The following URI1 variants were observed in gnomAD, a reference collection of about 807,000 sequenced individuals.
URI1 encodes the protein unconventional prefoldin RPB5 interactor 1.
A neutral mutation model predicts 60.2 loss-of-function variants in URI1; 39 were observed. The observed-to-expected ratio is 0.65, with a 90% CI of 0.50 to 0.85. URI1 has a LOEUF of 0.85. URI1 is among the 40% of genes least tolerant of loss of function. The pLI is 0.00. For synonymous variants in URI1, 251 were observed against 236.8 expected, an observed-to-expected ratio of 1.06 and a Z score of -0.55; for missense variants, 691 against 665.9, an observed-to-expected ratio of 1.04 and a Z score of -0.42.
chr19:29,933,219 T>C (rs1004324851), intron 1 of URI1, among the ~76,000 whole-genome samples: 2 of 152,234 alleles, frequency 1.3e-5, no homozygotes, highest in Non-Finnish European at 2.9e-5. Context: ...AAATGTTTAG[T>C]AGAATTCATC....
In URI1 at chr19:29,948,308, G is replaced by A. The variant is rs2055127503; in HGVS notation, c.117+5644G>A. Among the ~76,000 whole-genome samples the A allele has an allele frequency of 2.6e-5, 4 of 152,158 alleles. No individual in the cohort carries two copies. The South Asian group carries it at 8.3e-4, about 32-fold the overall frequency. Reference sequence around the variant, plus strand: ...CTGGCCAGTTCAAGTGCTGGTAGTGGGCATCAGGGGTCAACTTTTAAACAT... The same window carrying A: ...CTGGCCAGTTCAAGTGCTGGTAGTGAGCATCAGGGGTCAACTTTTAAACAT... On this transcript the variant is annotated intron_variant, in intron 1 of 10. Transcript: ENST00000392271.
At chr19:29,950,511 A>G (rs899834954) in intron 1 of URI1, among the ~76,000 whole-genome samples, 7 of 152,146 alleles carry the variant, frequency 4.6e-5, no homozygotes, top group African/African-American at 1.7e-4. Flanking sequence ...ACCACTGTTT[A>G]GAGTAATCAG....
chr19:29,998,142 T>C (rs2055835943), intron 4 of URI1, among the ~76,000 whole-genome samples: 1 of 152,196 alleles, frequency 6.6e-6, no homozygotes. Context: ...TTTTCCAATT[T>C]TCCTTCTATT....
intron 1 of URI1, among the ~76,000 whole-genome samples, chr19:29,929,742 A>G (rs1285422412): frequency 1.3e-5 from 2 of 152,144 alleles, no homozygotes; most frequent in East Asian, 1.9e-4. Context: ...GGCCATTTGT[A>G]TATCTTCTTT....
At chr19:29,993,286 TG>T (rs1400585491) in intron 4 of URI1, among the ~76,000 whole-genome samples, 3 of 152,112 alleles carry the variant, frequency 2.0e-5, no homozygotes, top group Admixed American at 1.3e-4. Context: ...GGGGAAGCAT[TG>T]GATGAGTGGT....
rs1203667774 is a variant in URI1, at chr19:30,005,458, T to C, written c.459+6T>C. The stretch of plus-strand genomic sequence containing the variant: ...ATTTGCAGAAAATGAGCGATGTGAG[T>C]ATTTGTTTTTAGTCTTCTATATTTT... On this transcript the variant is annotated splice_donor_region_variant and intron_variant, in intron 5 of 10. Coordinates refer to ENST00000392271, the MANE Select transcript of URI1 (RefSeq NM_003796.3). 2 of 1,585,250 alleles carry C rather than the reference T, an allele frequency of 1.3e-6. No homozygotes were observed. The highest frequency in any genetic ancestry group is 2.3e-5 in the East Asian group (1 of 44,418).
At chr19:29,950,734 A>G (rs550916934) in intron 1 of URI1, among the ~76,000 whole-genome samples, 4 of 152,290 alleles carry the variant, frequency 2.6e-5, no homozygotes, top group Admixed American at 2.6e-4. Context: ...ACATTTTCTC[A>G]GTTTTTCTAA....
chr19:29,968,416 T>C (rs2055415459), intron 1 of URI1, among the ~76,000 whole-genome samples: 1 of 152,116 alleles, frequency 6.6e-6, no homozygotes, highest in Admixed American at 6.5e-5. Flanking sequence ...GCCTTATGGT[T>C]ACTTTTAAAA....
At chr19:29,996,617 C>T (rs1244283694) in intron 4 of URI1, among the ~76,000 whole-genome samples, 2 of 152,016 alleles carry the variant, frequency 1.3e-5, no homozygotes, top group Non-Finnish European at 2.9e-5. Flanking sequence ...CTTAATTGCT[C>T]TAGCTAGAAC....
chr19:29,956,901 G>A (rs1046593552), intron 1 of URI1: 2 of 1,233,222 alleles, frequency 1.6e-6, no homozygotes, highest in Non-Finnish European at 2.4e-6. Context: ...GTTCCTCTGG[G>A]GCCCTTTATG....
chr19:29,961,442 C>T (rs2055322288), intron 1 of URI1, among the ~76,000 whole-genome samples: 1 of 152,042 alleles, frequency 6.6e-6, no homozygotes, highest in Non-Finnish European at 1.5e-5. Flanking sequence ...ATTTCACTTA[C>T]CATAATGTCT....
intron 1 of URI1, among the ~76,000 whole-genome samples, chr19:29,947,071 T>C (rs760519726): frequency 6.6e-6 from 1 of 152,160 alleles, no homozygotes; most frequent in Admixed American, 6.5e-5. Flanking sequence ...GAGCAGAAAC[T>C]TGAAATAAGT....
chr19:30,011,328 G>C, intron 9 of URI1, 92 bp downstream of exon 9: 1 of 1,460,340 alleles, frequency 6.8e-7, no homozygotes, highest in Non-Finnish European at 9.1e-7. Context: ...CTGTAACACA[G>C]AAGACCCTCA....
At chr19:29,964,859 T>G (rs1394391783) in intron 1 of URI1, among the ~76,000 whole-genome samples, 2 of 151,888 alleles carry the variant, frequency 1.3e-5, no homozygotes, top group Non-Finnish European at 2.9e-5. Context: ...TTTCCTGTTT[T>G]TTTTTTTTTT....
chr19:29,944,886 C>T (rs1243351389), intron 1 of URI1, among the ~76,000 whole-genome samples: 1 of 152,166 alleles, frequency 6.6e-6, no homozygotes, highest in Non-Finnish European at 1.5e-5. Flanking sequence ...GAAAACTACC[C>T]AGTAAATCGG....
chr19:29,964,452 G>GTTTTTTTTTTTTTTTTTTTTT (rs1380907956), intron 1 of URI1, among the ~76,000 whole-genome samples: 3 of 137,256 alleles, frequency 2.2e-5, no homozygotes, highest in African/African-American at 8.3e-5. Flanking sequence ...TTTTGTTTTT[G>GTTTTTTTTTTTTTTTTTTTTT]TTTTTTGTTT....
At chr19:29,987,044 C>T (rs2055680534) in intron 4 of URI1, among the ~76,000 whole-genome samples, 1 of 152,124 alleles carries the variant, frequency 6.6e-6, no homozygotes. Context: ...CCTACATACA[C>T]ACACACAACA....
intron 4 of URI1, among the ~76,000 whole-genome samples, chr19:29,996,477 T>TGTGTGTG (rs1491249873): frequency 6.2e-5 from 9 of 144,416 alleles, no homozygotes; most frequent in African/African-American, 2.5e-4. Flanking sequence ...TACAAGGGTG[T>TGTGTGTG]TTTGTGTGTG....
upstream of URI1, among the ~76,000 whole-genome samples, chr19:29,940,922 G>A (rs1054081260): frequency 2.0e-5 from 3 of 152,216 alleles, no homozygotes; most frequent in Non-Finnish European, 4.4e-5. Context: ...AGAGAGGATG[G>A]TGGTGGTAGA....
Sources: allele counts gnomAD v4.1 joint callset (sites outside exome capture counted in the v4.1 genomes callset), GRCh38; gene constraint gnomAD v4.1.1; transcripts MANE v1.5; gene names NCBI Gene and HGNC (gene_info 2026-07-23, HGNC 2026-07-21).